Variants in PLCB1 observed in about 807,000 individuals in gnomAD.
PLCB1 encodes 1-phosphatidylinositol 4,5-bisphosphate phosphodiesterase beta-1.
Under a neutral mutation model 161.8 loss-of-function variants are expected in PLCB1, and 46 were observed. The observed-to-expected ratio is 0.28, with a 90% CI of 0.22 to 0.36. PLCB1 has a LOEUF of 0.36. PLCB1 is among the 10% of genes least tolerant of loss of function. The pLI, the probability that PLCB1 is intolerant of heterozygous loss-of-function variation, is 1.00. For synonymous variants in PLCB1, 517 were observed against 503.7 expected, an observed-to-expected ratio of 1.03 and a Z score of -0.35; for missense variants, 1,016 against 1,472.5, an observed-to-expected ratio of 0.69 and a Z score of 5.07.
chr20:8,595,244 TC>T (rs71331316), intron 3 of PLCB1, among the ~76,000 whole-genome samples: 2 of 78,400 alleles, frequency 2.6e-5, no homozygotes, highest in Admixed American at 1.4e-4. Context: ...GTGCTATCCC[TC>T]CCCCCTCCCC....
chr20:8,164,841 G>A (rs1445348981), intron 2 of PLCB1, among the ~76,000 whole-genome samples: 3 of 152,188 alleles, frequency 2.0e-5, no homozygotes, highest in Non-Finnish European at 4.4e-5. Flanking sequence ...TACCAGATCA[G>A]TCCATTTCAG....
chr20:8,349,068 A>AC (rs1303444683), intron 2 of PLCB1, among the ~76,000 whole-genome samples: 2 of 152,098 alleles, frequency 1.3e-5, no homozygotes, highest in Non-Finnish European at 2.9e-5. Context: ...CTACATATAC[A>AC]CACCCATGTA....
At position 8,516,247 on chromosome 20, in the gene PLCB1, TGGCA is replaced by T. The variant is rs1984107100; in HGVS notation, c.247-112045_247-112042del. 2.0e-5 allele frequency among the ~76,000 whole-genome samples: 3 copies of T among 152,212 alleles called. No individual in the cohort carries two copies. The South Asian group carries it at 6.2e-4, about 32-fold the overall frequency. On this transcript the variant is annotated intron_variant, in intron 3 of 31. Coordinates refer to ENST00000338037, the MANE Select transcript of PLCB1 (RefSeq NM_015192.4). ...TGTCCCCTCTGAGCCCAGGTCCTCCTGGCAGTGACCCAAGCACATGAGAACACAT... is the reference window on the plus strand; with the variant it reads ...TGTCCCCTCTGAGCCCAGGTCCTCCTGTGACCCAAGCACATGAGAACACAT...
At chr20:8,136,275 A>T (rs934471609) in intron 1 of PLCB1, among the ~76,000 whole-genome samples, 15 of 152,326 alleles carry the variant, frequency 9.8e-5, no homozygotes, top group Admixed American at 7.8e-4. Context: ...ATGAATGCAT[A>T]TGCATTGCTT....
chr20:8,324,719 G>A (rs1985075961), intron 2 of PLCB1, among the ~76,000 whole-genome samples: 1 of 152,032 alleles, frequency 6.6e-6, no homozygotes, highest in Non-Finnish European at 1.5e-5. Flanking sequence ...TCTGCCAAGG[G>A]GCATTTTCTC....
At chr20:8,521,631 G>A (rs976668150) in intron 3 of PLCB1, among the ~76,000 whole-genome samples, 4 of 152,120 alleles carry the variant, frequency 2.6e-5, no homozygotes, top group African/African-American at 9.7e-5. Context: ...TTAAGCTCAG[G>A]AAGTTGAGGC....
chr20:8,201,746 C>G (rs1333171799), intron 2 of PLCB1, among the ~76,000 whole-genome samples: 2 of 152,156 alleles, frequency 1.3e-5, no homozygotes, highest in Non-Finnish European at 2.9e-5. Flanking sequence ...AAAAGCAATG[C>G]TTCATCTCTG....
At chr20:8,567,521 T>C (rs1458821256) in intron 3 of PLCB1, among the ~76,000 whole-genome samples, 1 of 152,116 alleles carries the variant, frequency 6.6e-6, no homozygotes, top group East Asian at 1.9e-4. Context: ...AAAATAGTAA[T>C]GGGAAAAATC....
chr20:8,133,209 AT>A (rs2051310947), intron 1 of PLCB1, among the ~76,000 whole-genome samples: 1 of 152,150 alleles, frequency 6.6e-6, no homozygotes, highest in Non-Finnish European at 1.5e-5. Flanking sequence ...CACTTTAGTG[AT>A]TGCGAACCCT....
intron 3 of PLCB1, among the ~76,000 whole-genome samples, chr20:8,544,208 C>A (rs1433755952): frequency 6.6e-6 from 1 of 152,048 alleles, no homozygotes; most frequent in South Asian, 2.1e-4. Context: ...GATGAGAGAA[C>A]AGCTGTTGCA....
At chr20:8,812,219 T>C (rs1280208396) in intron 31 of PLCB1, among the ~76,000 whole-genome samples, 2 of 152,162 alleles carry the variant, frequency 1.3e-5, no homozygotes, top group Non-Finnish European at 2.9e-5. Flanking sequence ...TTGGAATCGT[T>C]GGAAGAAGAA....
chr20:8,302,917 C>T (rs1983974604), intron 2 of PLCB1, among the ~76,000 whole-genome samples: 2 of 151,996 alleles, frequency 1.3e-5, no homozygotes, highest in Admixed American at 6.6e-5. Context: ...TGGTGGAAGA[C>T]AGTCTTGATA....
chr20:8,741,467 T>A lies in PLCB1; in HGVS notation c.2417T>A (p.Val806Asp). 1 of 1,608,814 alleles carries A rather than the reference T, an allele frequency of 6.2e-7. No homozygotes were observed. The highest frequency in any genetic ancestry group is 8.5e-7 in the Non-Finnish European group (1 of 1,175,324). The part of the protein sequence containing the change: ...KDYVPDTYAD[V>D]IEALSNPIRY... ...AAAATATCTCTTCCCTATTTAGATG[T>A]CATCGAAGCTTTATCAAACCCAATC... Residue 806 changes from valine to aspartate, a missense_variant, in exon 23 of 32, where the codon GTC (valine) becomes GAC (aspartate). Around this residue, in one of 10 missense-constraint regions of PLCB1, gnomAD observed 75 missense variants for 117.0 expected, o/e 0.64. Transcript: ENST00000338037.
chr20:8,285,733 A>C (rs145362569), intron 2 of PLCB1, among the ~76,000 whole-genome samples: 1 of 152,268 alleles, frequency 6.6e-6, no homozygotes, highest in East Asian at 1.9e-4. Context: ...TAGCTGCTTC[A>C]TAAGATAGAG....
intron 9 of PLCB1, among the ~76,000 whole-genome samples, chr20:8,666,946 A>C (rs1416916517): frequency 2.0e-5 from 3 of 152,282 alleles, no homozygotes; most frequent in South Asian, 4.1e-4. Flanking sequence ...ATGTCTGCCC[A>C]AACCCAGGGA....
At chr20:8,147,069 T>A (rs1213993647) in intron 1 of PLCB1, among the ~76,000 whole-genome samples, 2 of 152,172 alleles carry the variant, frequency 1.3e-5, no homozygotes, top group Non-Finnish European at 2.9e-5. Flanking sequence ...GTAAACATCA[T>A]CCTATTCCTG....
intron 2 of PLCB1, among the ~76,000 whole-genome samples, chr20:8,308,469 T>C (rs1217421337): frequency 6.6e-6 from 1 of 150,984 alleles, no homozygotes; most frequent in Non-Finnish European, 1.5e-5. Flanking sequence ...ACACAAAAAT[T>C]AGCTGGGCAC....
chr20:8,570,579 A>G (rs1213461462), intron 3 of PLCB1, among the ~76,000 whole-genome samples: 2 of 146,220 alleles, frequency 1.4e-5, no homozygotes, highest in African/African-American at 5.1e-5. Flanking sequence ...AGAAACAACA[A>G]TAAATAAGAC....
rs1214923986 is a variant in PLCB1, at chr20:8,883,967, G to A, written c.*2118G>A. On this transcript the variant is annotated 3_prime_UTR_variant, in exon 32 of 32. Transcript: ENST00000338037. ...ATTGAAGAAGAATGAACTAATAATA[G>A]CATTCATAACCAAACACAATGATGA... The A allele has an allele frequency of 2.0e-5, 3 of 152,380 alleles. No individual in the cohort carries two copies. 9.4% of individuals were successfully genotyped at this position (152,380 alleles called of 1,614,324 possible). A position where few individuals can be genotyped will look rare whatever the true frequency, so the allele number is the denominator to read the frequency against.
Sources: allele counts gnomAD v4.1 joint callset (sites outside exome capture counted in the v4.1 genomes callset), GRCh38; gene constraint gnomAD v4.1.1; regional missense constraint gnomAD v4.1.1; transcripts MANE v1.5; gene names NCBI Gene and HGNC (gene_info 2026-07-23, HGNC 2026-07-21).